Variants in MSI2 observed in about 807,000 individuals in gnomAD.
MSI2 encodes RNA-binding protein Musashi homolog 2.
MSI2 carries 17 observed loss-of-function variants against 45.6 expected under a neutral mutation model. The ratio of observed to expected loss-of-function variants is 0.37; its 90% CI spans 0.26 to 0.56. The LOEUF (loss-of-function observed/expected upper bound fraction) is 0.56, where lower values mean the gene tolerates loss of function less well. MSI2 is among the 20% of genes least tolerant of loss of function. The pLI, the probability that MSI2 is intolerant of heterozygous loss-of-function variation, is 0.77. For synonymous variants in MSI2, 156 were observed against 158.2 expected, an observed-to-expected ratio of 0.99 and a Z score of 0.11; for missense variants, 293 against 444.2, an observed-to-expected ratio of 0.66 and a Z score of 3.06.
intron 6 of MSI2, chr17:57,450,254 T>TGAAA (rs2084973444): frequency 3.0e-5 from 3 of 98,754 alleles, no homozygotes; most frequent in African/African-American, 5.5e-5. Context: ...ATTCCCCAGC[T>TGAAA]TAAAGAAAGA....
At chr17:57,609,605 C>T (rs1907025620) in intron 8 of MSI2, among the ~76,000 whole-genome samples, 1 of 152,262 alleles carries the variant, frequency 6.6e-6, no homozygotes, top group Admixed American at 6.5e-5. Context: ...TGACTGGGTT[C>T]TTTTGTACAG....
chr17:57,649,959 C>T (rs1404906946), intron 10 of MSI2, among the ~76,000 whole-genome samples: 1 of 152,118 alleles, frequency 6.6e-6, no homozygotes, highest in Admixed American at 6.5e-5. Context: ...ATTGGGCAGC[C>T]CTGCTCCTTC....
Position 57,675,055 on chromosome 17 carries a change from G to A in MSI2, c.874G>A (p.Asp292Asn). 6 of 1,614,130 alleles carry A rather than the reference G, an allele frequency of 3.7e-6. No individual in the cohort carries two copies. Among genetic ancestry groups the A allele is most frequent in the Non-Finnish European group, 5.1e-6 (6 of 1,180,028 alleles). Residue 292 changes from aspartate (D) to asparagine (N), a missense_variant, in exon 12 of 14, where the codon GAC becomes AAC. Transcript: ENST00000284073. ...CGATCTCTACGGCCCTGCCAGCCAG[G>A]ACTCCGGAGTGGGGAATTACATAAG... ...VADLYGPASQ[D>N]SGVGNYISAA... is the part of the protein sequence containing the mutation.
chr17:57,459,183 T>A (rs1300035822), intron 6 of MSI2, among the ~76,000 whole-genome samples: 3 of 152,176 alleles, frequency 2.0e-5, no homozygotes, highest in Non-Finnish European at 4.4e-5. Context: ...GGGCTAAGTG[T>A]TTCTCACACA....
intron 6 of MSI2, among the ~76,000 whole-genome samples, chr17:57,518,471 G>A (rs996573336): frequency 6.6e-6 from 1 of 152,196 alleles, no homozygotes; most frequent in Non-Finnish European, 1.5e-5. Flanking sequence ...CAGATGAGGT[G>A]GCTATTTACA....
At chr17:57,440,413 CGTGTGTGTGTGTGTGTGTGTGTGT>C (rs71139995) in intron 6 of MSI2, among the ~76,000 whole-genome samples, 7 of 104,594 alleles carry the variant, frequency 6.7e-5, no homozygotes, top group Admixed American at 1.1e-4. Flanking sequence ...GTTTGTTATC[CGTGTGTGTGTGTGTGTGTGTGTGT>C]GTGTGTGTGT....
chr17:57,516,791 T>A (rs2143977420), intron 6 of MSI2, among the ~76,000 whole-genome samples: 1 of 152,314 alleles, frequency 6.6e-6, no homozygotes, highest in East Asian at 1.9e-4. Context: ...ATGCCCAAGA[T>A]CATGCGTAAG....
chr17:57,546,289 T>C (rs1483729000), intron 7 of MSI2, among the ~76,000 whole-genome samples: 2 of 152,204 alleles, frequency 1.3e-5, no homozygotes, highest in Non-Finnish European at 1.5e-5. Context: ...AAAATGCTAA[T>C]AGCAGCGGCA....
At chr17:57,615,918 C>T (rs1598454893) in intron 8 of MSI2, 52 bp from the exon 9 acceptor site, 2 of 1,375,254 alleles carry the variant, frequency 1.5e-6, no homozygotes, top group East Asian at 4.6e-5. Context: ...CTGCATTTGA[C>T]ATTTACGTGG....
chr17:57,651,777 C>G (rs754893780), intron 10 of MSI2, among the ~76,000 whole-genome samples: 1 of 152,184 alleles, frequency 6.6e-6, no homozygotes, highest in Non-Finnish European at 1.5e-5. Context: ...GCCACTGTGT[C>G]GATGCACGGC....
the MSI2 span, among the ~76,000 whole-genome samples, chr17:57,689,894 A>G: frequency 6.6e-6 from 1 of 152,336 alleles, no homozygotes; most frequent in East Asian, 1.9e-4. Context: ...TCCATTATAT[A>G]GATATACCCA....
chr17:57,510,407 T>TG (rs1240674623), intron 6 of MSI2, among the ~76,000 whole-genome samples: 2 of 151,766 alleles, frequency 1.3e-5, no homozygotes, highest in Non-Finnish European at 2.9e-5. Context: ...CTTGTTTTTT[T>TG]TTTTGTTTGT....
In MSI2 at chr17:57,596,344, CG is replaced by C; in HGVS notation, c.455-522del. Among the ~76,000 whole-genome samples, 1 of 152,294 alleles carries C rather than the reference CG, an allele frequency of 6.6e-6. No individual in the cohort carries two copies. Among genetic ancestry groups the C allele is most frequent in the East Asian group, 1.9e-4 (1 of 5,182 alleles). On this transcript the variant is annotated intron_variant, in intron 7 of 13. Transcript: ENST00000284073. The surrounding 1 kb of genome is among the most constrained non-coding windows in gnomAD (Gnocchi z 4.6). ...CAGCAGTATAAAAAGGATGCCTGCG[CG>C]GAACAGAGGCCTGAAACTTTTAATA...
intron 5 of MSI2, among the ~76,000 whole-genome samples, chr17:57,350,991 G>A (rs1299639737): frequency 1.3e-5 from 2 of 152,242 alleles, no homozygotes; most frequent in Non-Finnish European, 2.9e-5. Flanking sequence ...CCCTAGGCCT[G>A]AGGGGCAAGA....
At chr17:57,564,940 T>C (rs147451850) in intron 7 of MSI2, among the ~76,000 whole-genome samples, 99 of 152,314 alleles carry the variant, frequency 6.5e-4, no homozygotes, top group Middle Eastern at 3.4e-3. Context: ...CGTTTATCTG[T>C]TTCACCACCT....
intron 5 of MSI2, among the ~76,000 whole-genome samples, chr17:57,384,596 A>C (rs2083653023): frequency 6.6e-6 from 1 of 152,118 alleles, no homozygotes; most frequent in South Asian, 2.1e-4. Flanking sequence ...ACTCGAGGGG[A>C]GGGACAGAGA....
intron 7 of MSI2, among the ~76,000 whole-genome samples, chr17:57,549,350 T>G (rs1018215505): frequency 6.7e-6 from 1 of 149,334 alleles, no homozygotes; most frequent in Non-Finnish European, 1.5e-5. Context: ...TGGGTTTAGT[T>G]GCACAGTGCC....
intron 7 of MSI2, among the ~76,000 whole-genome samples, chr17:57,542,051 C>T (rs878896728): frequency 3.3e-5 from 5 of 152,046 alleles, no homozygotes; most frequent in African/African-American, 4.8e-5. Flanking sequence ...TTTCCACTGC[C>T]GCTGGAGGTG....
intron 11 of MSI2, 123 bp from the exon 12 acceptor site, chr17:57,674,849 T>A: frequency 7.1e-7 from 1 of 1,416,738 alleles, no homozygotes; most frequent in Non-Finnish European, 9.5e-7. Flanking sequence ...TTCTCAAGTG[T>A]TTGGCTTGTA....
Sources: allele counts gnomAD v4.1 joint callset (sites outside exome capture counted in the v4.1 genomes callset), GRCh38; gene constraint gnomAD v4.1.1; non-coding constraint Gnocchi (gnomAD v3.1); transcripts MANE v1.5; gene names NCBI Gene and HGNC (gene_info 2026-07-23, HGNC 2026-07-21).